Variants in INPP5A observed in about 807,000 individuals in gnomAD.
The protein encoded by INPP5A is inositol polyphosphate-5-phosphatase A, also known as 43 kDa inositol polyphosphate 5-phophatase.
In INPP5A, 14 loss-of-function variants were observed where a neutral mutation model predicts 65.2. The ratio of observed to expected loss-of-function variants is 0.21; its 90% confidence interval spans 0.14 to 0.34. The LOEUF is 0.34. INPP5A is among the 10% of genes least tolerant of loss of function. The probability of loss-of-function intolerance (pLI) is 1.00; values close to 1 mark genes in which losing one functional copy is unlikely to be tolerated. For missense variants in INPP5A, 431 were observed against 545.6 expected (o/e 0.79, Z 2.09); for synonymous variants, 207 against 208.3 (o/e 0.99, Z 0.05).
At chr10:132,765,697 C>T in intron 11 of INPP5A, 76 bp from the exon 12 acceptor site, 1 of 862,144 alleles carries the variant, frequency 1.2e-6, no homozygotes, top group Non-Finnish European at 2.0e-6. Flanking sequence ...TTGAGCGTCC[C>T]AGCTGCACAC....
At chr10:132,648,806 A>G (rs1312324068) in intron 3 of INPP5A, among the ~76,000 whole-genome samples, 1 of 152,072 alleles carries the variant, frequency 6.6e-6, no homozygotes, top group Non-Finnish European at 1.5e-5. Context: ...TTTTGTCTTT[A>G]TAGCTGGTTT....
intron 1 of INPP5A, among the ~76,000 whole-genome samples, chr10:132,577,060 A>C (rs980542220): frequency 6.6e-6 from 1 of 152,198 alleles, no homozygotes; most frequent in Non-Finnish European, 1.5e-5. Flanking sequence ...GGGACCTCTG[A>C]AAGGTGGCAG....
At chr10:132,752,549 CGAGGAGGTGTGGCGTGGAGGGGAGTGGT>C (rs1846510131) in intron 11 of INPP5A, among the ~76,000 whole-genome samples, 7 of 89,828 alleles carry the variant, frequency 7.8e-5, no homozygotes, top group Middle Eastern at 7.2e-3. Flanking sequence ...AGGGGCGTGG[CGAGGAGGTGTGGCGTGGAGGGGAGTGGT>C]GAGGAGGTGT....
At chr10:132,740,611 T>C (rs1003246433) in intron 9 of INPP5A, among the ~76,000 whole-genome samples, 3 of 152,208 alleles carry the variant, frequency 2.0e-5, no homozygotes, top group African/African-American at 7.2e-5. Flanking sequence ...CCTTTTGTTG[T>C]GAACCATATT....
rs1014458280 is a variant in INPP5A, at chr10:132,650,183, A to C, written c.219-235A>C. Among the ~76,000 whole-genome samples the C allele has an allele frequency of 6.6e-6, 1 of 152,210 alleles. No homozygotes were observed. Among genetic ancestry groups the C allele is most frequent in the Non-Finnish European group, 1.5e-5 (1 of 68,028 alleles). ...GATGCCTCAGACCCCGGCATCTCACAGGCTGCGTGGAGACCAGAGCCTGTG... is the reference window on the plus strand; with the variant it reads ...GATGCCTCAGACCCCGGCATCTCACCGGCTGCGTGGAGACCAGAGCCTGTG... On this transcript the variant is annotated intron_variant, in intron 3 of 15. Transcript: ENST00000368594. This position sits in a 1 kb window ranked among gnomAD's most constrained non-coding sequence, Gnocchi z 5.5.
Position 132,575,745 on chromosome 10 carries a change from C to T in INPP5A, c.76-32170C>T, listed in dbSNP as rs2071405510. On this transcript the variant is annotated intron_variant, in intron 1 of 15. Coordinates refer to ENST00000368594, the MANE Select transcript of INPP5A (RefSeq NM_005539.5). This position sits in a 1 kb window ranked among gnomAD's most constrained non-coding sequence, Gnocchi z 5.4. ...AGCCTTTCCCCGGTTCCCTGTGTCC[C>T]TCTGGCCGTGGGCTCCCGCGTGGTG... Among the ~76,000 whole-genome samples the T allele has an allele frequency of 6.6e-6, 1 of 152,180 alleles. No homozygotes were observed. Among genetic ancestry groups the T allele is most frequent in the African/African-American group, 2.4e-5 (1 of 41,448 alleles).
At chr10:132,760,127 C>T (rs903768200) in intron 11 of INPP5A, among the ~76,000 whole-genome samples, 18 of 152,230 alleles carry the variant, frequency 1.2e-4, no homozygotes, top group Non-Finnish European at 1.9e-4. Context: ...TCCAGCTACT[C>T]GTTCCCTCTG....
intron 1 of INPP5A, among the ~76,000 whole-genome samples, chr10:132,543,412 CTTTCTTT>C (rs917410552): frequency 6.6e-6 from 1 of 152,058 alleles, no homozygotes; most frequent in Non-Finnish European, 1.5e-5. Context: ...TTCTTCCTTT[CTTTCTTT>C]TTTCTTTTAA....
chr10:132,683,146 C>T (rs773294337), intron 4 of INPP5A, among the ~76,000 whole-genome samples: 3 of 148,156 alleles, frequency 2.0e-5, no homozygotes, highest in Non-Finnish European at 4.5e-5. Context: ...CCAGCAAGGC[C>T]ATGTGTTGTA....
chr10:132,540,754 C>T (rs1276054232), intron 1 of INPP5A, among the ~76,000 whole-genome samples: 2 of 152,260 alleles, frequency 1.3e-5, no homozygotes, highest in Non-Finnish European at 2.9e-5. Context: ...ACGCACCCTG[C>T]AGGCAGTGCT....
At chr10:132,672,902 G>T (rs1277382314) in intron 4 of INPP5A, among the ~76,000 whole-genome samples, 1 of 152,116 alleles carries the variant, frequency 6.6e-6, no homozygotes, top group Admixed American at 6.5e-5. Context: ...AGCGGGTCGT[G>T]GTTTTTTTCC....
intron 8 of INPP5A, among the ~76,000 whole-genome samples, chr10:132,716,814 C>T (rs1845747708): frequency 1.3e-5 from 2 of 152,326 alleles, no homozygotes; most frequent in Middle Eastern, 6.8e-3. Flanking sequence ...GGCGATGCTC[C>T]GTGTGGAGAG....
intron 1 of INPP5A, among the ~76,000 whole-genome samples, chr10:132,566,409 G>A (rs549833331): frequency 6.6e-6 from 1 of 152,196 alleles, no homozygotes; most frequent in Non-Finnish European, 1.5e-5. Flanking sequence ...GGATACGGAG[G>A]CCCGACAGAA....
At chr10:132,759,586 G>A (rs560191327) in intron 11 of INPP5A, among the ~76,000 whole-genome samples, 8 of 152,220 alleles carry the variant, frequency 5.3e-5, no homozygotes, top group Non-Finnish European at 8.8e-5. Flanking sequence ...GGGGCTCCAC[G>A]TCAGGGTGTG....
Position 132,674,420 on chromosome 10 carries a change from C to T in INPP5A, c.307-15972C>T, listed in dbSNP as rs923442149. On this transcript the variant is annotated intron_variant, in intron 4 of 15. Coordinates refer to ENST00000368594, the MANE Select transcript of INPP5A (RefSeq NM_005539.5). This position sits in a 1 kb window ranked among gnomAD's most constrained non-coding sequence, Gnocchi z 4.4. ...CAGGAATGTCCTAGAAAGGGGCTGT[C>T]ATGCTACAGCTGTCCACTTTCGGGT... Among the ~76,000 whole-genome samples, 3 of 152,238 alleles carry T rather than the reference C, an allele frequency of 2.0e-5. No homozygotes were observed. Among genetic ancestry groups the T allele is most frequent in the South Asian group, 4.1e-4 (2 of 4,830 alleles).
In INPP5A at chr10:132,675,969, A is replaced by C. The variant is rs1336504519; in HGVS notation, c.307-14423A>C. Among the ~76,000 whole-genome samples, 2 of 152,206 alleles carry C rather than the reference A, an allele frequency of 1.3e-5. No individual in the cohort carries two copies. Among genetic ancestry groups the C allele is most frequent in the Non-Finnish European group, 2.9e-5 (2 of 68,036 alleles). On this transcript the variant is annotated intron_variant, in intron 4 of 15. Coordinates refer to ENST00000368594, the MANE Select transcript of INPP5A (RefSeq NM_005539.5). The surrounding 1 kb of genome is among the most constrained non-coding windows in gnomAD (Gnocchi z 4.2). ...ATGAAATGTAATTGAAAAGCTAATG[A>C]TTTTTAGAAGACAAAAGATAAGAGT... is the stretch of plus-strand genomic sequence containing the variant.
At chr10:132,582,290 C>G (rs1282553409) in intron 1 of INPP5A, among the ~76,000 whole-genome samples, 1 of 152,074 alleles carries the variant, frequency 6.6e-6, no homozygotes, top group African/African-American at 2.4e-5. Flanking sequence ...TATGCTTTTA[C>G]TGTCTACATT....
intron 1 of INPP5A, among the ~76,000 whole-genome samples, chr10:132,605,740 G>A (rs971903683): frequency 6.6e-6 from 1 of 152,144 alleles, no homozygotes; most frequent in African/African-American, 2.4e-5. Flanking sequence ...GTGTTGGGGT[G>A]TGTGCCAAAG....
rs904788598 is a variant in INPP5A at position 132,753,116 on chromosome 10, C to T, written c.903+3271C>T. ...GATCCTCTCTGTTTGGGGCCTGGGA[C>T]GACGGCACCTTCGGGAACGCCCCAT... On this transcript the variant is annotated intron_variant, in intron 11 of 15. Transcript: ENST00000368594. The surrounding 1 kb of genome is among the most constrained non-coding windows in gnomAD (Gnocchi z 5.3). 9.2e-5 allele frequency among the ~76,000 whole-genome samples: 14 copies of T among 152,136 alleles called. No homozygotes were observed. Among genetic ancestry groups the T allele is most frequent in the African/African-American group, 7.2e-5 (3 of 41,410 alleles).
Sources: allele counts gnomAD v4.1 joint callset (sites outside exome capture counted in the v4.1 genomes callset), GRCh38; gene constraint gnomAD v4.1.1; non-coding constraint Gnocchi (gnomAD v3.1); transcripts MANE v1.5; gene names NCBI Gene and HGNC (gene_info 2026-07-23, HGNC 2026-07-21).